SFXN1: variants seen among roughly 807,000 people sequenced by gnomAD.
SFXN1 encodes the protein sideroflexin 1.
SFXN1 carries 32 observed loss-of-function variants against 39.5 expected under a neutral mutation model. The ratio of observed to expected loss-of-function variants is 0.81; its 90% confidence interval spans 0.61 to 1.09. The LOEUF (loss-of-function observed/expected upper bound fraction) is 1.09. Ranked by LOEUF, SFXN1 falls within the 50% of genes least tolerant of loss-of-function variation. The pLI is 0.00. For missense variants in SFXN1, 402 were observed against 407.1 expected (o/e 0.99, Z 0.11); for synonymous variants, 136 against 146.5 (o/e 0.93, Z 0.52).
At chr5:175,495,810 A>T (rs964052071) in intron 2 of SFXN1, among the ~76,000 whole-genome samples, 3 of 152,136 alleles carry the variant, frequency 2.0e-5, no homozygotes, top group Non-Finnish European at 4.4e-5. Flanking sequence ...TAAGAAAGTC[A>T]TATAAATAGA....
At chr5:175,480,327 G>C (rs1395332282) in intron 1 of SFXN1, among the ~76,000 whole-genome samples, 5 of 152,134 alleles carry the variant, frequency 3.3e-5, no homozygotes, top group African/African-American at 4.8e-5. Flanking sequence ...CCTGAACCCG[G>C]GAGGCGGAGC....
intron 2 of SFXN1, among the ~76,000 whole-genome samples, chr5:175,507,973 T>TAA (rs74722265): frequency 8.0e-6 from 1 of 124,302 alleles, no homozygotes; most frequent in African/African-American, 3.1e-5. Flanking sequence ...ACCCTGTCTT[T>TAA]AAAAAAAAAA....
rs1337710183 is a variant in SFXN1, at chr5:175,516,620, C to G, written c.731C>G (p.Pro244Arg). 6.2e-7 allele frequency: 1 copy of G among 1,611,738 alleles called. No individual in the cohort carries two copies. The highest frequency in any genetic ancestry group is 2.2e-5 in the East Asian group (1 of 44,822). ...ILMAAPGMAI[P>R]PFIMNTLEKK... ...GATCTATCTTTATTTCCAGCCATCC[C>G]TCCATTCATTATGAACACTTTGGAA... The change falls in exon 8 of 11, where the codon CCT (proline) becomes CGT (arginine). Residue 244 changes from proline (P) to arginine (R), a missense_variant. By Grantham distance (103) the Pro-to-Arg change is moderately radical. Coordinates refer to ENST00000321442, the MANE Select transcript of SFXN1 (RefSeq NM_022754.7).
intron 5 of SFXN1, 69 bp downstream of exon 5, chr5:175,511,595 C>G (rs1760518736): frequency 3.2e-6 from 4 of 1,239,620 alleles, no homozygotes; most frequent in African/African-American, 1.5e-5. Context: ...CTAAATCCCT[C>G]TATTATTTCT....
intron 10 of SFXN1, among the ~76,000 whole-genome samples, chr5:175,524,799 AAG>A (rs1440561190): frequency 6.6e-6 from 1 of 151,352 alleles, no homozygotes. Context: ...CAAAAAGAGA[AAG>A]AGAAAAGTAC....
At chr5:175,494,219 T>C (rs896528972) in intron 2 of SFXN1, among the ~76,000 whole-genome samples, 14 of 152,324 alleles carry the variant, frequency 9.2e-5, no homozygotes, top group Admixed American at 9.1e-4. Context: ...CACCCACACA[T>C]GGCAATTTTT....
chr5:175,484,691 C>T (rs950069752), intron 1 of SFXN1, among the ~76,000 whole-genome samples: 22 of 152,256 alleles, frequency 1.4e-4, no homozygotes, highest in Admixed American at 2.6e-4. Context: ...GCCCAGGCCC[C>T]GTGCGTAAGG....
intron 9 of SFXN1, 91 bp from the exon 10 acceptor site, chr5:175,522,284 A>G (rs1760905743): frequency 7.7e-7 from 1 of 1,305,366 alleles, no homozygotes; most frequent in African/African-American, 1.5e-5. Flanking sequence ...TGCTCTGAAG[A>G]AAGAAGGGAT....
chr5:175,526,663 G>T lies in SFXN1; in HGVS notation c.898G>T (p.Ala300Ser). ...TTCCATGTCTGTGACAAGCTTGGAG[G>T]CCGAGTTGCAAGCTAAGATCCAAGA... is the stretch of plus-strand genomic sequence containing the variant. The part of the protein sequence containing the change: ...KSSMSVTSLE[A>S]ELQAKIQESH... Residue 300 changes from alanine to serine, a missense_variant, in exon 11 of 11, where the codon GCC (alanine) becomes TCC (serine). Physicochemically the swap from Ala to Ser is moderately conservative, Grantham distance 99 (BLOSUM62 1). Coordinates refer to ENST00000321442, the MANE Select transcript of SFXN1 (RefSeq NM_022754.7). 6.2e-7 allele frequency: 1 copy of T among 1,614,164 alleles called. No homozygotes were observed. The highest frequency in any genetic ancestry group is 8.5e-7 in the Non-Finnish European group (1 of 1,180,028).
rs74722265 is a variant in SFXN1, at chr5:175,507,973, T to TAAAAAAAAA, written c.165-1048_165-1040dup. 5.4e-3 allele frequency among the ~76,000 whole-genome samples: 665 copies of TAAAAAAAAA among 124,112 alleles called. 3 individuals carry two copies. Among genetic ancestry groups the TAAAAAAAAA allele is most frequent in the African/African-American group, 0.02 (634 of 31,840 alleles). 81.4% of individuals were successfully genotyped at this position (124,112 alleles called of 152,430 possible). On this transcript the variant is annotated intron_variant, in intron 2 of 10. Coordinates refer to ENST00000321442, the MANE Select transcript of SFXN1 (RefSeq NM_022754.7). ...GGGTGACAGAGTGAGACCCTGTCTT[T>TAAAAAAAAA]AAAAAAAAAAAAAAAAAAATTCTTC... is the stretch of plus-strand genomic sequence containing the variant.
At chr5:175,522,623 A>G (rs1760917344) in intron 10 of SFXN1, 3 of 486,936 alleles carry the variant, frequency 6.2e-6, no homozygotes, top group Non-Finnish European at 7.2e-6. Context: ...GCTCTTTTCT[A>G]CCCCCTTCCA....
At chr5:175,505,768 C>T (rs1042443050) in intron 2 of SFXN1, among the ~76,000 whole-genome samples, 53 of 152,244 alleles carry the variant, frequency 3.5e-4, no homozygotes, top group Non-Finnish European at 2.4e-4. Flanking sequence ...TATTCACAAA[C>T]TCTCAACTGA....
At chr5:175,501,598 TG>T (rs1760086228) in intron 2 of SFXN1, among the ~76,000 whole-genome samples, 1 of 152,166 alleles carries the variant, frequency 6.6e-6, no homozygotes, top group South Asian at 2.1e-4. Flanking sequence ...TTATCAATAT[TG>T]AACTATATCA....
intron 7 of SFXN1, among the ~76,000 whole-genome samples, chr5:175,515,483 C>T (rs763889515): frequency 3.9e-5 from 6 of 152,122 alleles, no homozygotes; most frequent in Non-Finnish European, 7.4e-5. Context: ...GAGTAATTGA[C>T]ATATTGAAAT....
Position 175,527,360 on chromosome 5 carries a change from G to A in SFXN1, c.*626G>A, listed in dbSNP as rs1459450893. The A allele has an allele frequency of 6.6e-6, 1 of 152,196 alleles. No homozygotes were observed. Among genetic ancestry groups the A allele is most frequent in the Non-Finnish European group, 1.5e-5 (1 of 68,054 alleles). The allele number at this position is 152,196 out of a possible 1,614,324, so 9.4% of individuals were successfully genotyped here. On this transcript the variant is annotated 3_prime_UTR_variant, in exon 11 of 11. Coordinates refer to ENST00000321442, the MANE Select transcript of SFXN1 (RefSeq NM_022754.7). ...CCACTGCAACATGCCTTCCCTGCTGGATCATTATATACATTCAGATTGTGA... is the reference window on the plus strand; with the variant it reads ...CCACTGCAACATGCCTTCCCTGCTGAATCATTATATACATTCAGATTGTGA...
chr5:175,523,523 G>C (rs1760942684), intron 10 of SFXN1: 1 of 152,148 alleles, frequency 6.6e-6, no homozygotes, highest in African/African-American at 2.4e-5. Flanking sequence ...AAATGCCAAG[G>C]GGTGTGCCTG....
chr5:175,488,213 C>T lies in SFXN1; in HGVS notation c.-9-3882C>T, dbSNP rs188695866. 1.4e-4 allele frequency among the ~76,000 whole-genome samples: 22 copies of T among 152,312 alleles called. No individual in the cohort carries two copies. The East Asian group carries it at 3.7e-3, about 25-fold the overall frequency. On this transcript the variant is annotated intron_variant, in intron 1 of 10. Transcript: ENST00000321442. ...CATCTGACTCCAACCTGAGCCATTA[C>T]ATCTCTTACCTCCTCATCTCCCATC...
chr5:175,520,745 A>G lies in SFXN1; in HGVS notation c.775-1174A>G, dbSNP rs114036976. Among the ~76,000 whole-genome samples, 688 of 152,172 alleles carry G rather than the reference A, an allele frequency of 4.5e-3. 7 individuals carry two copies. Among genetic ancestry groups the G allele is most frequent in the East Asian group, 0.015 (79 of 5,172 alleles). On this transcript the variant is annotated intron_variant, in intron 8 of 10. Transcript: ENST00000321442. The stretch of plus-strand genomic sequence containing the variant: ...ACTATGTTTACCCTCCCATCACCAA[A>G]TCTGTCCCAGCCCAGATGTCACCTG...
rs185439689 is a variant in SFXN1, at chr5:175,504,829, C to T, written c.165-4203C>T. Among the ~76,000 whole-genome samples, 966 of 151,996 alleles carry T rather than the reference C, an allele frequency of 6.4e-3. 39 individuals are homozygous for T. Among genetic ancestry groups the T allele is most frequent in the Admixed American group, 0.057 (873 of 15,270 alleles). ...CTGCAAGCTCTGCCTCCCGGGTTCA[C>T]GCCATTCTCCTGCCTCAGCCTCCTG... is the stretch of plus-strand genomic sequence containing the variant. On this transcript the variant is annotated intron_variant, in intron 2 of 10. Coordinates refer to ENST00000321442, the MANE Select transcript of SFXN1 (RefSeq NM_022754.7).
Sources: gnomAD v4.1 joint callset for allele counts (sites outside exome capture counted in the v4.1 genomes callset) on GRCh38, gnomAD v4.1.1 for gene constraint, MANE v1.5 for transcripts, NCBI Gene and HGNC (gene_info 2026-07-23, HGNC 2026-07-21) for gene names.